The following KCNQ1 variants were observed in gnomAD, a reference collection of about 807,000 sequenced individuals.
The protein encoded by KCNQ1 is potassium voltage-gated channel subfamily KQT member 1.
A neutral mutation model predicts 72.4 loss-of-function variants in KCNQ1; 49 were observed. The observed-to-expected ratio is 0.68, with a 90% CI of 0.54 to 0.86. The LOEUF (loss-of-function observed/expected upper bound fraction) is 0.86. KCNQ1 is among the 40% of genes least tolerant of loss of function. The pLI is 0.00. For missense variants in KCNQ1, 790 were observed against 945.1 expected (o/e 0.84, Z 2.15); for synonymous variants, 450 against 412.6 (o/e 1.09, Z -1.10).
intron 11 of KCNQ1, among the ~76,000 whole-genome samples, chr11:2,736,770 G>T (rs1046809852): frequency 1.3e-5 from 2 of 152,236 alleles, no homozygotes; most frequent in East Asian, 3.8e-4. Flanking sequence ...GCCCTGGTGG[G>T]TTCCTGGCTG....
rs187899727 is a variant in KCNQ1 at position 2,630,921 on chromosome 11, G to T, written c.1394-31040G>T. 705 of 398,478 alleles carry T rather than the reference G, an allele frequency of 1.8e-3. 8 individuals are homozygous for T. Among genetic ancestry groups the T allele is most frequent in the African/African-American group, 0.013 (649 of 48,736 alleles). 24.7% of individuals were successfully genotyped at this position (398,478 alleles called of 1,614,324 possible). A position where few individuals can be genotyped will look rare whatever the true frequency, so the allele number is the denominator to read the frequency against. Reference sequence around the variant, plus strand: ...ATATAATCCTATTGTTTCCTGGCCTGGAAAGTTTTTGCTCAGAAATCCACT... The same window carrying T: ...ATATAATCCTATTGTTTCCTGGCCTTGAAAGTTTTTGCTCAGAAATCCACT... On this transcript the variant is annotated intron_variant, in intron 10 of 15. Coordinates refer to ENST00000155840, the MANE Select transcript of KCNQ1 (RefSeq NM_000218.3).
At chr11:2,648,981 C>CTTTTTTTTTTTTT in intron 10 of KCNQ1, 543 of 213,124 alleles carry the variant, frequency 2.5e-3, no homozygotes, top group African/African-American at 5.8e-3. Context: ...TTTTCTTTTT[C>CTTTTTTTTTTTTT]TTTTTTTTTT....
chr11:2,683,132 T>C lies in KCNQ1; in HGVS notation c.1514+21051T>C. The C allele has an allele frequency of 5.1e-6, 2 of 393,664 alleles. No individual in the cohort carries two copies. The highest frequency in any genetic ancestry group is 2.6e-4 in the South Asian group (2 of 7,604). The allele number at this position is 393,664 out of a possible 1,614,324, so 24.4% of individuals were successfully genotyped here. A position where few individuals can be genotyped will look rare whatever the true frequency, so the allele number is the denominator to read the frequency against. On this transcript the variant is annotated intron_variant, in intron 11 of 15. Coordinates refer to ENST00000155840, the MANE Select transcript of KCNQ1 (RefSeq NM_000218.3). This position sits in a 1 kb window ranked among gnomAD's most constrained non-coding sequence, Gnocchi z 4.7. Reference sequence around the variant, plus strand: ...GATATATCGCACCAACTCAGGAGGGTGTGGGGATGGGCTAGCATTAGGAAT... The same window carrying C: ...GATATATCGCACCAACTCAGGAGGGCGTGGGGATGGGCTAGCATTAGGAAT...
In KCNQ1 at chr11:2,462,543, A is replaced by G. The variant is rs965653472; in HGVS notation, c.386+17059A>G. ...ATGATCCCACCATGTGCCCCCCGTG[A>G]GGCCCCCACCTGTTACTGAGTGGCA... On this transcript the variant is annotated intron_variant, in intron 1 of 15. Coordinates refer to ENST00000155840, the MANE Select transcript of KCNQ1 (RefSeq NM_000218.3). The surrounding 1 kb of genome is among the most constrained non-coding windows in gnomAD (Gnocchi z 8.2). Among the ~76,000 whole-genome samples the G allele has an allele frequency of 3.9e-5, 6 of 152,162 alleles. No individual in the cohort carries two copies. The highest frequency in any genetic ancestry group is 1.3e-4 in the Admixed American group (2 of 15,284).
chr11:2,609,021 ATATTT>A (rs1848930689), intron 10 of KCNQ1: 1 of 397,972 alleles, frequency 2.5e-6, no homozygotes, highest in African/African-American at 2.1e-5. Flanking sequence ...TTTATATTCT[ATATTT>A]TATTTCTACT....
In KCNQ1 at chr11:2,640,293, C is replaced by T. The variant is rs550380027; in HGVS notation, c.1394-21668C>T. On this transcript the variant is annotated intron_variant, in intron 10 of 15. Transcript: ENST00000155840. ...AAATGCAGAAATCACCCATCTTCTG[C>T]GTCACTCACGCTGGGAGCTATAGAC... 34 of 398,098 alleles carry T rather than the reference C, an allele frequency of 8.5e-5. 2 individuals carry two copies. The South Asian group carries it at 2.4e-3, about 28-fold the overall frequency. 24.7% of individuals were successfully genotyped at this position (398,098 alleles called of 1,614,324 possible).
In KCNQ1 at chr11:2,488,641, A is replaced by T. The variant is rs1410450546; in HGVS notation, c.387-39287A>T. ...TAGGTTATCCAATTTGTTGATACAC[A>T]ATTGTTCACAATACTCTCTTATAAT... On this transcript the variant is annotated intron_variant, in intron 1 of 15. Transcript: ENST00000155840. This position sits in a 1 kb window ranked among gnomAD's most constrained non-coding sequence, Gnocchi z 5.1. Among the ~76,000 whole-genome samples, 3 of 152,212 alleles carry T rather than the reference A, an allele frequency of 2.0e-5. No individual in the cohort carries two copies. The highest frequency in any genetic ancestry group is 4.4e-5 in the Non-Finnish European group (3 of 68,038).
chr11:2,516,912 G>A lies in KCNQ1; in HGVS notation c.387-11016G>A, dbSNP rs993236941. Among the ~76,000 whole-genome samples, 4 of 151,996 alleles carry A rather than the reference G, an allele frequency of 2.6e-5. 1 individual carries two copies. Among genetic ancestry groups the A allele is most frequent in the East Asian group, 1.9e-4 (1 of 5,174 alleles). ...CCCCCAGAGTTTGCCTGGTGTCACC[G>A]GGAAGCTTCCTGGCTGCCCGAGGGT... On this transcript the variant is annotated intron_variant, in intron 1 of 15. Coordinates refer to ENST00000155840, the MANE Select transcript of KCNQ1 (RefSeq NM_000218.3). The surrounding 1 kb of genome is among the most constrained non-coding windows in gnomAD (Gnocchi z 7.0).
chr11:2,650,809 T>C (rs760389398), intron 10 of KCNQ1: 2 of 398,544 alleles, frequency 5.0e-6, no homozygotes, highest in Non-Finnish European at 8.8e-6. Flanking sequence ...ATGGGTCATG[T>C]GGTTTTATTT....
intron 1 of KCNQ1, among the ~76,000 whole-genome samples, chr11:2,456,343 A>G (rs1233673814): frequency 6.6e-6 from 1 of 152,176 alleles, no homozygotes; most frequent in Non-Finnish European, 1.5e-5. Context: ...TAAACATTAG[A>G]TTACAAACTG....
At chr11:2,738,267 T>G (rs1590061559) in intron 11 of KCNQ1, among the ~76,000 whole-genome samples, 2 of 142,352 alleles carry the variant, frequency 1.4e-5, no homozygotes, top group African/African-American at 2.6e-5. Flanking sequence ...GGGTCTGGAG[T>G]GTGGGGGCAC....
intron 11 of KCNQ1, chr11:2,665,360 C>CTATG: frequency 2.5e-6 from 1 of 398,152 alleles, no homozygotes; most frequent in Non-Finnish European, 4.4e-6. Flanking sequence ...TTGGGGAGCA[C>CTATG]CCCCATGACA....
rs1242938487 is a variant in KCNQ1, at chr11:2,752,024, TTGTACTGCCC to T, written c.1515-16816_1515-16807del. 2.6e-5 allele frequency among the ~76,000 whole-genome samples: 4 copies of T among 152,234 alleles called. No homozygotes were observed. The highest frequency in any genetic ancestry group is 9.6e-5 in the African/African-American group (4 of 41,458). ...CACCTTGGCACCTCTCTGGGGTACCTTGTACTGCCCTGTCCTCCCCACGCCCTGAGGGGCC... is the reference window on the plus strand; with the variant it reads ...CACCTTGGCACCTCTCTGGGGTACCTTGTCCTCCCCACGCCCTGAGGGGCC... On this transcript the variant is annotated intron_variant, in intron 11 of 15. Transcript: ENST00000155840. The surrounding 1 kb of genome is among the most constrained non-coding windows in gnomAD (Gnocchi z 5.2).
rs1224420928 is a variant in KCNQ1 at position 2,483,363 on chromosome 11, G to T, written c.386+37879G>T. ...CAGAAAAGTTCCACGACAGTACTGA[G>T]AGTTCCTGTGGACTCCTAGTATTAA... On this transcript the variant is annotated intron_variant, in intron 1 of 15. Coordinates refer to ENST00000155840, the MANE Select transcript of KCNQ1 (RefSeq NM_000218.3). This position sits in a 1 kb window ranked among gnomAD's most constrained non-coding sequence, Gnocchi z 6.1. Among the ~76,000 whole-genome samples the T allele has an allele frequency of 6.6e-6, 1 of 152,178 alleles. No individual in the cohort carries two copies. Among genetic ancestry groups the T allele is most frequent in the Non-Finnish European group, 1.5e-5 (1 of 68,032 alleles).
At position 2,654,432 on chromosome 11, in the gene KCNQ1, A is replaced by G; in HGVS notation, c.1394-7529A>G. 2.5e-6 allele frequency: 1 copy of G among 398,690 alleles called. No homozygotes were observed. Among genetic ancestry groups the G allele is most frequent in the Non-Finnish European group, 4.4e-6 (1 of 226,150 alleles). 24.7% of individuals were successfully genotyped at this position (398,690 alleles called of 1,614,324 possible). ...CCCTGGGGAGACATGGGTGAGGCAG[A>G]AGGCAAGGTTCCCGTGCTGAGCGCC... On this transcript the variant is annotated intron_variant, in intron 10 of 15. Transcript: ENST00000155840. The surrounding 1 kb of genome is among the most constrained non-coding windows in gnomAD (Gnocchi z 6.4).
intron 10 of KCNQ1, chr11:2,660,559 G>A (rs1849933229): frequency 2.5e-6 from 1 of 398,574 alleles, no homozygotes; most frequent in Admixed American, 4.4e-5. Context: ...AAGCAAAAGT[G>A]AGCAAAGGAC....
rs1248714037 is a variant in KCNQ1, at chr11:2,488,756, C to A, written c.387-39172C>A. ...TCTCTTTTTTACTTAGTCCATCTAG[C>A]TAAAGGTTTGTCAATTCTTAAAATC... On this transcript the variant is annotated intron_variant, in intron 1 of 15. Coordinates refer to ENST00000155840, the MANE Select transcript of KCNQ1 (RefSeq NM_000218.3). The surrounding 1 kb of genome is among the most constrained non-coding windows in gnomAD (Gnocchi z 5.1). 2.0e-5 allele frequency among the ~76,000 whole-genome samples: 3 copies of A among 152,172 alleles called. No homozygotes were observed. The highest frequency in any genetic ancestry group is 7.2e-5 in the African/African-American group (3 of 41,446).
rs1846562265 is a variant in KCNQ1, at chr11:2,475,886, T to G, written c.386+30402T>G. Among the ~76,000 whole-genome samples the G allele has an allele frequency of 6.6e-6, 1 of 152,248 alleles. No homozygotes were observed. Among genetic ancestry groups the G allele is most frequent in the Admixed American group, 6.5e-5 (1 of 15,282 alleles). The stretch of plus-strand genomic sequence containing the variant: ...ACTTGGTCCTCCTTGCCTTCCGCCA[T>G]GATTGTGAGGCTTCCCCAGCCACAT... On this transcript the variant is annotated intron_variant, in intron 1 of 15. Transcript: ENST00000155840. The surrounding 1 kb of genome is among the most constrained non-coding windows in gnomAD (Gnocchi z 5.8).
At chr11:2,792,641 G>A (rs1847050982) in intron 15 of KCNQ1, among the ~76,000 whole-genome samples, 1 of 152,226 alleles carries the variant, frequency 6.6e-6, no homozygotes, top group Non-Finnish European at 1.5e-5. Flanking sequence ...AGCGGTTGTG[G>A]GGTGCGGGCT....
Sources: allele counts gnomAD v4.1 joint callset (sites outside exome capture counted in the v4.1 genomes callset), GRCh38; gene constraint gnomAD v4.1.1; non-coding constraint Gnocchi (gnomAD v3.1); transcripts MANE v1.5; gene names NCBI Gene and HGNC (gene_info 2026-07-23, HGNC 2026-07-21).